Variants in ERBB4 observed in about 807,000 individuals in gnomAD.
ERBB4 encodes receptor tyrosine-protein kinase erbB-4.
ERBB4 carries 42 observed loss-of-function variants against 158.0 expected under a neutral mutation model. The ratio of observed to expected loss-of-function variants is 0.27; its 90% CI spans 0.21 to 0.34. The LOEUF (loss-of-function observed/expected upper bound fraction) is 0.34. Among genes scored for constraint, ERBB4 ranks in the 10% least tolerant of loss-of-function variants. ERBB4 has a pLI of 1.00. For synonymous variants in ERBB4, 583 were observed against 558.7 expected (o/e 1.04, Z -0.61); for missense variants, 1,333 against 1,624.1 (o/e 0.82, Z 3.08).
rs115619315 is a variant in ERBB4, at chr2:211,492,779, G to A, written c.2488-61679C>T. 3.2e-3 allele frequency among the ~76,000 whole-genome samples: 483 copies of A among 152,110 alleles called. 4 individuals carry two copies. The highest frequency in any genetic ancestry group is 0.011 in the African/African-American group (457 of 41,534). ...CATAGCAATAATCAGTAACTATTGC[G>A]GTAATAATAACATTAGAAATAAAAT... On this transcript the variant is annotated intron_variant, in intron 20 of 27. Coordinates refer to ENST00000342788, the MANE Select transcript of ERBB4 (RefSeq NM_005235.3).
intron 2 of ERBB4, among the ~76,000 whole-genome samples, chr2:212,117,330 A>G (rs11677987): frequency 0.41 from 62,987 of 152,010 alleles, 15,511 homozygotes; most frequent in Non-Finnish European, 0.55. Context: ...CTCTTTTTTA[A>G]TGCTTGTTTA....
chr2:212,431,288 C>T (rs1172114750), intron 1 of ERBB4, among the ~76,000 whole-genome samples: 1 of 137,204 alleles, frequency 7.3e-6, no homozygotes, highest in East Asian at 2.0e-4. Flanking sequence ...GCAACTCCAT[C>T]CTTCCAACTG....
chr2:212,377,202 T>A (rs2090353021), intron 1 of ERBB4, among the ~76,000 whole-genome samples: 1 of 148,154 alleles, frequency 6.7e-6, no homozygotes, highest in African/African-American at 2.5e-5. Flanking sequence ...CTGGCAAATA[T>A]ATATATATAT....
intron 1 of ERBB4, among the ~76,000 whole-genome samples, chr2:212,173,906 T>C (rs1387564876): frequency 6.6e-6 from 1 of 152,142 alleles, no homozygotes; most frequent in African/African-American, 2.4e-5. Context: ...GAGCTCCTAC[T>C]GCTATGATTT....
At chr2:211,997,019 C>T (rs999638961) in intron 2 of ERBB4, among the ~76,000 whole-genome samples, 28 of 152,058 alleles carry the variant, frequency 1.8e-4, no homozygotes, top group African/African-American at 6.0e-4. Context: ...CTTTTAACTG[C>T]GAAGTGAAGG....
intron 3 of ERBB4, among the ~76,000 whole-genome samples, chr2:211,926,975 C>T (rs1394793490): frequency 6.6e-6 from 1 of 152,034 alleles, no homozygotes; most frequent in African/African-American, 2.4e-5. Flanking sequence ...TACATAAGAC[C>T]CGTCAAACAT....
chr2:212,464,100 A>T (rs1688710464), intron 1 of ERBB4, among the ~76,000 whole-genome samples: 1 of 152,122 alleles, frequency 6.6e-6, no homozygotes, highest in Non-Finnish European at 1.5e-5. Context: ...GTATCAGTAG[A>T]CCCATGTGGT....
At chr2:211,501,286 A>G (rs1418994798) in intron 20 of ERBB4, among the ~76,000 whole-genome samples, 6 of 151,868 alleles carry the variant, frequency 4.0e-5, no homozygotes, top group Non-Finnish European at 8.8e-5. Flanking sequence ...TACTACCACA[A>G]TAGGGCTACC....
At chr2:211,558,450 A>C (rs1000893502) in intron 20 of ERBB4, among the ~76,000 whole-genome samples, 3 of 152,104 alleles carry the variant, frequency 2.0e-5, no homozygotes, top group Admixed American at 1.3e-4. Context: ...TCATCTCAAG[A>C]TCCTTAATTT....
At position 212,222,816 on chromosome 2, in the gene ERBB4, T is replaced by C. The variant is rs1001552330; in HGVS notation, c.83-97913A>G. ...TTACGTGTTTAATGTCTTTACCCCATACATACCAGACTGTAATCTCCAGAA... is the reference window on the plus strand; with the variant it reads ...TTACGTGTTTAATGTCTTTACCCCACACATACCAGACTGTAATCTCCAGAA... On this transcript the variant is annotated intron_variant, in intron 1 of 27. Transcript: ENST00000342788. Among the ~76,000 whole-genome samples the C allele has an allele frequency of 4.0e-5, 6 of 151,732 alleles. No individual in the cohort carries two copies. The East Asian group carries it at 9.7e-4, about 24-fold the overall frequency.
chr2:211,863,744 G>A lies in ERBB4; in HGVS notation c.422-75585C>T, dbSNP rs557422902. On this transcript the variant is annotated intron_variant, in intron 3 of 27. Transcript: ENST00000342788. Reference sequence around the variant, plus strand: ...GTAACGCTCACTGTGAAGGTCCGTGGCTTCATTCTTGAAGTCAGCAAGACC... The same window carrying A: ...GTAACGCTCACTGTGAAGGTCCGTGACTTCATTCTTGAAGTCAGCAAGACC... Among the ~76,000 whole-genome samples, 6 of 152,284 alleles carry A rather than the reference G, an allele frequency of 3.9e-5. No individual in the cohort carries two copies. The East Asian group carries it at 1.2e-3, about 29-fold the overall frequency.
intron 9 of ERBB4, among the ~76,000 whole-genome samples, chr2:211,707,607 G>C (rs1398668380): frequency 2.0e-5 from 3 of 152,032 alleles, no homozygotes; most frequent in Non-Finnish European, 2.9e-5. Context: ...ATGCTTATTT[G>C]GTGAGCATTT....
chr2:211,665,277 T>A (rs369211924), intron 15 of ERBB4, 46 bp downstream of exon 15: 1 of 1,594,802 alleles, frequency 6.3e-7, no homozygotes, highest in Non-Finnish European at 8.6e-7. Flanking sequence ...AAGATACATG[T>A]GGATAACACA....
chr2:211,507,717 T>C (rs376035766), intron 20 of ERBB4, among the ~76,000 whole-genome samples: 42 of 152,258 alleles, frequency 2.8e-4, no homozygotes, highest in African/African-American at 9.9e-4. Flanking sequence ...GGCATCACAC[T>C]ACCTGACTTC....
intron 20 of ERBB4, among the ~76,000 whole-genome samples, chr2:211,559,504 T>G (rs1319909947): frequency 6.6e-6 from 1 of 152,342 alleles, no homozygotes; most frequent in South Asian, 2.1e-4. Flanking sequence ...CCTAAAATTA[T>G]TCCACTTGGA....
chr2:211,422,398 A>G (rs1352607640), intron 23 of ERBB4, among the ~76,000 whole-genome samples: 5 of 151,248 alleles, frequency 3.3e-5, no homozygotes, highest in Non-Finnish European at 5.9e-5. Context: ...GTGACATAGG[A>G]GAGAAGATTT....
At chr2:212,365,688 A>G (rs1185834871) in intron 1 of ERBB4, among the ~76,000 whole-genome samples, 2 of 151,944 alleles carry the variant, frequency 1.3e-5, no homozygotes, top group African/African-American at 2.4e-5. Context: ...TCCATAATCA[A>G]TGATATATAA....
intron 2 of ERBB4, among the ~76,000 whole-genome samples, chr2:211,980,427 T>C (rs1575467776): frequency 6.6e-6 from 1 of 152,320 alleles, no homozygotes; most frequent in Middle Eastern, 3.4e-3. Context: ...GAATCTTTTC[T>C]TGTCAAACTA....
chr2:211,887,464 TC>T (rs2078835284), intron 3 of ERBB4, among the ~76,000 whole-genome samples: 1 of 152,198 alleles, frequency 6.6e-6, no homozygotes, highest in African/African-American at 2.4e-5. Flanking sequence ...ATCATTTCAT[TC>T]ACCTCCTCAA....
Sources: gnomAD v4.1 joint callset for allele counts (sites outside exome capture counted in the v4.1 genomes callset) on GRCh38, gnomAD v4.1.1 for gene constraint, MANE v1.5 for transcripts, NCBI Gene and HGNC (gene_info 2026-07-23, HGNC 2026-07-21) for gene names.